CPEB3: variants seen among roughly 807,000 people sequenced by gnomAD.
The protein encoded by CPEB3 is cytoplasmic polyadenylation element-binding protein 3.
CPEB3 carries 20 observed loss-of-function variants against 67.2 expected under a neutral mutation model. The ratio of observed to expected loss-of-function variants is 0.30; its 90% CI spans 0.21 to 0.43. The LOEUF is 0.43. CPEB3 is among the 20% of genes least tolerant of loss of function. The pLI, the probability that CPEB3 is intolerant of heterozygous loss-of-function variation, is 1.00. For synonymous variants in CPEB3, 376 were observed against 393.1 expected, an observed-to-expected ratio of 0.96 and a Z score of 0.51; for missense variants, 746 against 968.6, an observed-to-expected ratio of 0.77 and a Z score of 3.05.
chr10:92,093,605 G>T (rs1190420866), intron 7 of CPEB3, among the ~76,000 whole-genome samples: 4 of 151,310 alleles, frequency 2.6e-5, no homozygotes, highest in Admixed American at 1.3e-4. Context: ...AGGTTCAAGA[G>T]AATTCTCTTG....
chr10:92,159,897 T>C (rs1847384743), intron 4 of CPEB3, among the ~76,000 whole-genome samples: 1 of 152,062 alleles, frequency 6.6e-6, no homozygotes, highest in African/African-American at 2.4e-5. Flanking sequence ...TCAAGCTCTA[T>C]TTTTTTCCCT....
In CPEB3 at chr10:92,239,447, C is replaced by G; in HGVS notation, c.904G>C (p.Ala302Pro). 2 of 1,599,360 alleles carry G rather than the reference C, an allele frequency of 1.3e-6. No individual in the cohort carries two copies. The highest frequency in any genetic ancestry group is 1.7e-6 in the Non-Finnish European group (2 of 1,172,698). ...GCCGCGCGAGGGAACTTGGGCGGCG[C>G]GATCACGTTGCTGGAGAAGGGCTTT... ...LKKPFSSNVI[A>P]PPKFPRAAPL... The change falls in exon 2 of 10, where the codon GCG becomes CCG. Residue 302 changes from alanine to proline, a missense_variant. By Grantham distance (27) the Ala-to-Pro change is conservative. This residue lies in a region of CPEB3 where 643 missense variants were observed against 717.5 expected (regional missense o/e 0.90). Transcript: ENST00000265997. The surrounding 1 kb of genome is among the most constrained non-coding windows in gnomAD (Gnocchi z 6.0).
chr10:92,289,051 T>C (rs1210740604), intron 1 of CPEB3, among the ~76,000 whole-genome samples: 1 of 152,070 alleles, frequency 6.6e-6, no homozygotes, highest in African/African-American at 2.4e-5. Context: ...AAGATCAGCC[T>C]GGTCAACATG....
chr10:92,208,784 G>C (rs1169432707), intron 2 of CPEB3, among the ~76,000 whole-genome samples: 2 of 151,808 alleles, frequency 1.3e-5, no homozygotes, highest in Non-Finnish European at 2.9e-5. Context: ...CAGTAGAGAC[G>C]GGGTTTCACC....
chr10:92,289,674 G>C (rs961101972), intron 1 of CPEB3, among the ~76,000 whole-genome samples: 1 of 127,700 alleles, frequency 7.8e-6, no homozygotes. Context: ...GAGCCCAGGA[G>C]TTGCAAGACC....
chr10:92,091,720 T>C, intron 8 of CPEB3, 110 bp downstream of exon 8: 1 of 610,994 alleles, frequency 1.6e-6, no homozygotes, highest in South Asian at 2.4e-5. Context: ...AGCCTTCTTT[T>C]TGGAGACTAT....
intron 7 of CPEB3, among the ~76,000 whole-genome samples, chr10:92,099,915 G>A (rs1236507364): frequency 2.0e-5 from 3 of 151,602 alleles, no homozygotes; most frequent in African/African-American, 7.3e-5. Context: ...TATAATCTCA[G>A]CATTTTGGAA....
intron 9 of CPEB3, among the ~76,000 whole-genome samples, chr10:92,078,318 T>A (rs754467485): frequency 2.0e-5 from 3 of 152,192 alleles, no homozygotes; most frequent in African/African-American, 2.4e-5. Flanking sequence ...TCAAGCTATA[T>A]AATATTAACA....
At chr10:92,219,043 T>A (rs1485852785) in intron 2 of CPEB3, among the ~76,000 whole-genome samples, 1 of 152,202 alleles carries the variant, frequency 6.6e-6, no homozygotes, top group Non-Finnish European at 1.5e-5. Context: ...ACACTTTCTT[T>A]GATGGTTTAG....
Position 92,052,166 on chromosome 10 carries a change from C to T in CPEB3, c.*46G>A. The stretch of plus-strand genomic sequence containing the variant: ...CCTGAGGCAGTGCCCTCTCTTTTCC[C>T]TCCTTGTTATCTACTCCAGTACTTG... On this transcript the variant is annotated 3_prime_UTR_variant, in exon 10 of 10. Coordinates refer to ENST00000265997, the MANE Select transcript of CPEB3 (RefSeq NM_014912.5). 7.3e-7 allele frequency: 1 copy of T among 1,377,720 alleles called. No individual in the cohort carries two copies. Among genetic ancestry groups the T allele is most frequent in the Non-Finnish European group, 1.0e-6 (1 of 970,376 alleles). The allele number at this position is 1,377,720 out of a possible 1,614,324, so 85.3% of individuals were successfully genotyped here.
At chr10:92,090,179 A>C (rs951791009) in intron 8 of CPEB3, among the ~76,000 whole-genome samples, 5 of 152,234 alleles carry the variant, frequency 3.3e-5, no homozygotes, top group Non-Finnish European at 7.3e-5. Context: ...TTTTATAACT[A>C]TAGGGCTTTT....
intron 9 of CPEB3, among the ~76,000 whole-genome samples, chr10:92,057,028 T>C (rs1482209443): frequency 6.6e-6 from 1 of 152,196 alleles, no homozygotes; most frequent in African/African-American, 2.4e-5. Flanking sequence ...CAGCATTCAT[T>C]ACCTGCTAGC....
chr10:92,179,922 C>T (rs909480024), intron 4 of CPEB3, among the ~76,000 whole-genome samples: 1 of 152,120 alleles, frequency 6.6e-6, no homozygotes. Context: ...TGTACACAAC[C>T]CTAGATTTAT....
intron 1 of CPEB3, among the ~76,000 whole-genome samples, chr10:92,274,971 T>C (rs1564926037): frequency 6.6e-6 from 1 of 152,208 alleles, no homozygotes; most frequent in Non-Finnish European, 1.5e-5. Flanking sequence ...GATTTTGAAC[T>C]GTGAGCAGAA....
intron 9 of CPEB3, among the ~76,000 whole-genome samples, chr10:92,055,852 C>T (rs978052556): frequency 1.3e-5 from 2 of 151,978 alleles, no homozygotes; most frequent in African/African-American, 4.8e-5. Flanking sequence ...CTAGCCTGGG[C>T]AACAACAACA....
intron 4 of CPEB3, among the ~76,000 whole-genome samples, chr10:92,168,346 G>T (rs1198015097): frequency 1.3e-5 from 2 of 152,114 alleles, no homozygotes; most frequent in Admixed American, 6.6e-5. Flanking sequence ...TTTTTACCTG[G>T]TTCTGCTAGA....
intron 8 of CPEB3, among the ~76,000 whole-genome samples, chr10:92,091,114 G>C (rs74149372): frequency 0.015 from 2,209 of 152,238 alleles, 51 homozygotes; most frequent in African/African-American, 0.049. Context: ...TGATTTTAAT[G>C]ATCTCTGCTT....
intron 1 of CPEB3, among the ~76,000 whole-genome samples, chr10:92,268,428 G>C (rs1853157920): frequency 6.6e-6 from 1 of 152,100 alleles, no homozygotes; most frequent in African/African-American, 2.4e-5. Context: ...AAGAGTTCAA[G>C]ACCAGCCTGG....
intron 6 of CPEB3, among the ~76,000 whole-genome samples, chr10:92,123,808 T>C (rs954473782): frequency 1.3e-5 from 2 of 152,238 alleles, no homozygotes; most frequent in Non-Finnish European, 1.5e-5. Flanking sequence ...TGAGTTTTTT[T>C]CTGTGCCAGT....
Sources: gnomAD v4.1 joint callset for allele counts (sites outside exome capture counted in the v4.1 genomes callset) on GRCh38, gnomAD v4.1.1 for gene constraint, gnomAD v4.1.1 regional missense constraint, Gnocchi (gnomAD v3.1) non-coding constraint, MANE v1.5 for transcripts, NCBI Gene and HGNC (gene_info 2026-07-23, HGNC 2026-07-21) for gene names.